The following GLDC variants were observed in gnomAD, a reference collection of about 807,000 sequenced individuals.
GLDC encodes the protein glycine dehydrogenase (decarboxylating), mitochondrial.
GLDC carries 104 observed loss-of-function variants against 121.3 expected under a neutral mutation model. The observed-to-expected ratio is 0.86, with a 90% CI of 0.73 to 1.01. GLDC has a LOEUF of 1.01. GLDC is among the 50% of genes least tolerant of loss of function. The pLI is 0.00. For synonymous variants in GLDC, 546 were observed against 480.6 expected, an observed-to-expected ratio of 1.14 and a Z score of -1.78; for missense variants, 1,429 against 1,306.6, an observed-to-expected ratio of 1.09 and a Z score of -1.44.
intron 2 of GLDC, among the ~76,000 whole-genome samples, chr9:6,633,935 T>C (rs1012693794): frequency 5.6e-5 from 8 of 141,630 alleles, no homozygotes; most frequent in African/African-American, 2.1e-4. Context: ...GTTCACGCCA[T>C]TCTCCTGCCT....
At chr9:6,585,918 C>G (rs1312837548) in intron 15 of GLDC, among the ~76,000 whole-genome samples, 1 of 128,732 alleles carries the variant, frequency 7.8e-6, no homozygotes, top group African/African-American at 2.6e-5. Flanking sequence ...CATCTGTCAT[C>G]TATCATCATG....
chr9:6,636,365 T>G lies in GLDC; in HGVS notation c.334+8249A>C, dbSNP rs1587983603. Among the ~76,000 whole-genome samples the G allele has an allele frequency of 3.9e-5, 6 of 151,918 alleles. No homozygotes were observed. The South Asian group carries it at 1.2e-3, about 32-fold the overall frequency. On this transcript the variant is annotated intron_variant, in intron 2 of 24. Coordinates refer to ENST00000321612, the MANE Select transcript of GLDC (RefSeq NM_000170.3). ...TTAATGTAGGTTCAATTGTAGCAAA[T>G]GCTCTGGTAGGCAATGCTGATAATG...
rs199901045 is a variant in GLDC at position 6,595,108 on chromosome 9, C to T, written c.1167G>A (p.Ala389=). Residue 389 remains alanine, a synonymous_variant, in exon 9 of 25, where the codon GCG becomes GCA. Coordinates refer to ENST00000321612, the MANE Select transcript of GLDC (RefSeq NM_000170.3). Reference sequence around the variant, plus strand: ...AGATTGCAAACATGGCAGCCATATTCGCCAAGAGGGCCTAAAAGATAAGAA... The same window carrying T: ...AGATTGCAAACATGGCAGCCATATTTGCCAAGAGGGCCTAAAAGATAAGAA... ...SNICTAQALL[A]NMAAMFAIYH... is the part of the protein sequence containing the mutation. 9 of 1,608,412 alleles carry T rather than the reference C, an allele frequency of 5.6e-6. No individual in the cohort carries two copies. The highest frequency in any genetic ancestry group is 2.2e-5 in the South Asian group (2 of 90,942).
At chr9:6,542,885 C>CAAAAAAAAA (rs5896153) in intron 21 of GLDC, among the ~76,000 whole-genome samples, 4 of 61,394 alleles carry the variant, frequency 6.5e-5, no homozygotes, top group Non-Finnish European at 8.7e-5. Context: ...GACCTTTTCT[C>CAAAAAAAAA]AAAAAAAAAA....
intron 15 of GLDC, among the ~76,000 whole-genome samples, chr9:6,581,593 G>T (rs146749933): frequency 6.6e-6 from 1 of 152,314 alleles, no homozygotes; most frequent in East Asian, 1.9e-4. Flanking sequence ...TCTCCAGTCA[G>T]GGTCTATGTC....
At chr9:6,553,950 AATC>A (rs1817565900) in intron 19 of GLDC, among the ~76,000 whole-genome samples, 1 of 152,304 alleles carries the variant, frequency 6.6e-6, no homozygotes, top group South Asian at 2.1e-4. Context: ...TACTAGAAAT[AATC>A]ATCATCAAAA....
At chr9:6,616,684 C>A (rs1188648621) in intron 3 of GLDC, among the ~76,000 whole-genome samples, 2 of 152,212 alleles carry the variant, frequency 1.3e-5, no homozygotes, top group Non-Finnish European at 2.9e-5. Flanking sequence ...ACTAATTCAA[C>A]TGGTTTGTTC....
At chr9:6,622,733 T>A in intron 2 of GLDC, 1 of 200,496 alleles carries the variant, frequency 5.0e-6, no homozygotes, top group South Asian at 6.4e-5. Context: ...CCCCTCTGCC[T>A]GGCTGCCCAG....
At chr9:6,639,797 T>C (rs1819592802) in intron 2 of GLDC, among the ~76,000 whole-genome samples, 2 of 151,892 alleles carry the variant, frequency 1.3e-5, no homozygotes, top group Middle Eastern at 3.4e-3. Context: ...CTAACCCGCT[T>C]ACTTAGAATA....
Position 6,553,512 on chromosome 9 carries a change from G to A in GLDC, c.2316-3C>T, listed in dbSNP as rs781056699. 1.3e-6 allele frequency: 2 copies of A among 1,599,712 alleles called. No homozygotes were observed. Among genetic ancestry groups the A allele is most frequent in the African/African-American group, 1.4e-5 (1 of 73,064 alleles). ...AAAACGGGGCGAGATGTTTCTTCCT[G>A]TATTTTTTTTAAGTGCAAATTCAGA... On this transcript the variant is annotated splice_polypyrimidine_tract_variant and splice_region_variant and intron_variant, in intron 19 of 24. Transcript: ENST00000321612.
At chr9:6,577,467 G>A (rs985289430) in intron 15 of GLDC, among the ~76,000 whole-genome samples, 4 of 152,152 alleles carry the variant, frequency 2.6e-5, no homozygotes, top group Admixed American at 1.3e-4. Context: ...AGAACCAGGT[G>A]CAAATGAGCC....
chr9:6,616,624 T>C (rs1042972350), intron 3 of GLDC, among the ~76,000 whole-genome samples: 5 of 152,314 alleles, frequency 3.3e-5, no homozygotes, highest in East Asian at 1.9e-4. Context: ...AGGTAAAACA[T>C]AGTGATTAAG....
intron 2 of GLDC, among the ~76,000 whole-genome samples, chr9:6,643,590 T>G (rs2130025070): frequency 1.3e-5 from 2 of 151,776 alleles, no homozygotes; most frequent in South Asian, 4.2e-4. Flanking sequence ...CCCCACCCCA[T>G]GGAAGTCAAA....
rs541605444 is a variant in GLDC, at chr9:6,614,391, C to T, written c.471-4035G>A. Among the ~76,000 whole-genome samples, 9 of 151,566 alleles carry T rather than the reference C, an allele frequency of 5.9e-5. No individual in the cohort carries two copies. In the South Asian group the frequency reaches 1.0e-3, roughly 18 times the overall value. ...CTGGGACTACAGGCATGCACCACCACGCCCAGCTAATTTTTATATTTTTTT... is the reference window on the plus strand; with the variant it reads ...CTGGGACTACAGGCATGCACCACCATGCCCAGCTAATTTTTATATTTTTTT... On this transcript the variant is annotated intron_variant, in intron 3 of 24. Transcript: ENST00000321612.
At chr9:6,614,303 T>G (rs913460569) in intron 3 of GLDC, among the ~76,000 whole-genome samples, 3 of 152,022 alleles carry the variant, frequency 2.0e-5, no homozygotes, top group Admixed American at 6.5e-5. Context: ...GGCCTGATCT[T>G]GGCTCGCTGC....
At chr9:6,590,226 A>G (rs1563850220) in intron 11 of GLDC, among the ~76,000 whole-genome samples, 1 of 152,184 alleles carries the variant, frequency 6.6e-6, no homozygotes, top group Non-Finnish European at 1.5e-5. Flanking sequence ...AAGAAAGTTA[A>G]GAGACTGACT....
At chr9:6,644,031 A>AG (rs1819683953) in intron 2 of GLDC, among the ~76,000 whole-genome samples, 1 of 140,556 alleles carries the variant, frequency 7.1e-6, no homozygotes, top group South Asian at 2.2e-4. Flanking sequence ...TTCTGTCTCA[A>AG]AAAAAAAAAA....
At chr9:6,589,366 T>A in intron 11 of GLDC, 74 bp from the exon 12 acceptor site, 1 of 852,844 alleles carries the variant, frequency 1.2e-6, no homozygotes, top group Non-Finnish European at 2.1e-6. Context: ...GGCTTCTGGG[T>A]GGCTGGGCCA....
Position 6,604,685 on chromosome 9 carries a change from C to T in GLDC, c.961G>A (p.Gly321Arg), listed in dbSNP as rs1184125501. The T allele has an allele frequency of 6.2e-7, 1 of 1,614,128 alleles. No homozygotes were observed. Among genetic ancestry groups the T allele is most frequent in the Non-Finnish European group, 8.5e-7 (1 of 1,179,988 alleles). Residue 321 changes from glycine (G) to arginine (R), a missense_variant, in exon 7 of 25, where the codon GGA becomes AGA. Gly to Arg is a moderately radical substitution (Grantham distance 125, BLOSUM62 -2). Transcript: ENST00000321612. The part of the protein sequence containing the change: ...DIALGSSQRF[G>R]VPLGYGGPHA... ...GGTCCCCCATAGCCCAGTGGCACTC[C>T]AAATCTCTGGGAGCTGCCCAGGGCG... is the stretch of plus-strand genomic sequence containing the variant.
Sources: gnomAD v4.1 joint callset for allele counts (sites outside exome capture counted in the v4.1 genomes callset) on GRCh38, gnomAD v4.1.1 for gene constraint, MANE v1.5 for transcripts, NCBI Gene and HGNC (gene_info 2026-07-23, HGNC 2026-07-21) for gene names.